Variants in OPRM1 observed in about 807,000 individuals in gnomAD.
OPRM1 encodes opioid receptor mu 1.
OPRM1 carries 27 observed loss-of-function variants against 31.8 expected under a neutral mutation model. That is an observed-to-expected ratio of 0.85 (90% confidence interval 0.63 to 1.17). The LOEUF (loss-of-function observed/expected upper bound fraction) is 1.17. Ranked by LOEUF, OPRM1 falls within the 50% of genes most tolerant of loss-of-function variation. The pLI is 0.00. For synonymous variants in OPRM1, 196 were observed against 189.9 expected (o/e 1.03, Z -0.26); for missense variants, 536 against 511.1 (o/e 1.05, Z -0.47).
At chr6:154,090,923 A>G in intron 2 of OPRM1, 29 bp from the exon 3 acceptor site, 1 of 1,587,056 alleles carries the variant, frequency 6.3e-7, no homozygotes, top group East Asian at 2.2e-5. Context: ...TGTTGCTGCT[A>G]ATTTTTCCTT....
intron 3 of OPRM1, among the ~76,000 whole-genome samples, chr6:154,099,329 A>AAGGAAGGG (rs1188397084): frequency 3.8e-4 from 45 of 119,454 alleles, no homozygotes; most frequent in South Asian, 1.4e-3. Flanking sequence ...GGAAGGAAGG[A>AAGGAAGGG]AGGGAGGGAG....
intron 3 of OPRM1, among the ~76,000 whole-genome samples, chr6:154,161,151 TAG>T (rs1348758481): frequency 6.6e-6 from 1 of 152,130 alleles, no homozygotes; most frequent in Non-Finnish European, 1.5e-5. Context: ...CTCTAATTTC[TAG>T]AGTTTCTTTT....
At chr6:154,165,615 C>T (rs1006774997) in intron 3 of OPRM1, among the ~76,000 whole-genome samples, 3 of 152,244 alleles carry the variant, frequency 2.0e-5, no homozygotes, top group Non-Finnish European at 4.4e-5. Context: ...AAGAGCAGTT[C>T]CCTAGCTGGG....
chr6:154,067,156 A>G (rs984587774), intron 1 of OPRM1, among the ~76,000 whole-genome samples: 3 of 150,624 alleles, frequency 2.0e-5, no homozygotes, highest in Admixed American at 6.6e-5. Context: ...ATTTTTTTTT[A>G]GTTTCTATTT....
At chr6:154,088,165 A>G (rs1408423737) in intron 1 of OPRM1, among the ~76,000 whole-genome samples, 1 of 152,224 alleles carries the variant, frequency 6.6e-6, no homozygotes, top group Non-Finnish European at 1.5e-5. Flanking sequence ...ATGCAACCAC[A>G]TAGATGAATC....
At chr6:154,083,000 T>C (rs569963506) in intron 1 of OPRM1, among the ~76,000 whole-genome samples, 4 of 152,160 alleles carry the variant, frequency 2.6e-5, no homozygotes, top group African/African-American at 4.8e-5. Context: ...AAGCAAAACA[T>C]GTCATTTTTA....
intron 3 of OPRM1, among the ~76,000 whole-genome samples, chr6:154,139,342 G>C (rs1475254759): frequency 6.6e-6 from 1 of 152,150 alleles, no homozygotes; most frequent in Non-Finnish European, 1.5e-5. Context: ...ACATTGGAGA[G>C]GTCAAGAGGG....
chr6:154,029,202 C>A (rs554133726), intron 1 of OPRM1, among the ~76,000 whole-genome samples: 18 of 152,158 alleles, frequency 1.2e-4, no homozygotes, highest in African/African-American at 4.1e-4. Context: ...CCTTTAAAAT[C>A]TTTGGATATA....
chr6:154,165,076 C>T (rs1455984766), intron 3 of OPRM1, among the ~76,000 whole-genome samples: 1 of 152,156 alleles, frequency 6.6e-6, no homozygotes, highest in African/African-American at 2.4e-5. Context: ...GTTGTCTTTG[C>T]TTGTCTACAC....
intron 3 of OPRM1, among the ~76,000 whole-genome samples, chr6:154,206,065 G>A (rs1216622296): frequency 2.0e-5 from 3 of 152,002 alleles, no homozygotes; most frequent in African/African-American, 7.2e-5. Flanking sequence ...GCTCTTCATG[G>A]CACCCCCATA....
At chr6:154,094,219 C>A in intron 3 of OPRM1, 1 of 1,287,168 alleles carries the variant, frequency 7.8e-7, no homozygotes, top group Non-Finnish European at 1.0e-6. Flanking sequence ...GATCAGAGAT[C>A]CAATATCAAA....
At chr6:154,240,043 C>A (rs767920574) in intron 3 of OPRM1, among the ~76,000 whole-genome samples, 1 of 152,086 alleles carries the variant, frequency 6.6e-6, no homozygotes, top group African/African-American at 2.4e-5. Context: ...GTTTGGGATA[C>A]GCTCAGAGGC....
intron 1 of OPRM1, among the ~76,000 whole-genome samples, chr6:154,080,430 C>T (rs1425695816): frequency 1.3e-5 from 2 of 152,184 alleles, no homozygotes; most frequent in East Asian, 1.9e-4. Flanking sequence ...AAAACCAGAT[C>T]CTCTACTTAC....
At chr6:154,117,150 C>T (rs17181303) in intron 3 of OPRM1, among the ~76,000 whole-genome samples, 2,526 of 152,254 alleles carry the variant, frequency 0.017, 66 homozygotes, top group African/African-American at 0.059. Context: ...CCTTCTGCAC[C>T]ATTTGGGCCA....
At chr6:154,029,334 C>G (rs894256893) in intron 1 of OPRM1, among the ~76,000 whole-genome samples, 3 of 152,076 alleles carry the variant, frequency 2.0e-5, no homozygotes, top group African/African-American at 7.2e-5. Context: ...TTTAAATGGT[C>G]ATTTTGTAAG....
intron 3 of OPRM1, among the ~76,000 whole-genome samples, chr6:154,101,929 C>A (rs930369520): frequency 1.3e-5 from 2 of 152,066 alleles, no homozygotes; most frequent in African/African-American, 4.8e-5. Flanking sequence ...AAGATAAAAT[C>A]CTAAAAAATT....
In OPRM1 at chr6:154,128,237, G is replaced by A. The variant is rs1236846076; in HGVS notation, c.*9516G>A. Among the ~76,000 whole-genome samples the A allele has an allele frequency of 6.6e-6, 1 of 152,164 alleles. No individual in the cohort carries two copies. Among genetic ancestry groups the A allele is most frequent in the Non-Finnish European group, 1.5e-5 (1 of 68,010 alleles). On this transcript the variant is annotated 3_prime_UTR_variant, in exon 4 of 4. Coordinates refer to ENST00000330432, the MANE Select transcript of OPRM1 (RefSeq NM_000914.5). ...TACCTGAAGATCTGCCCAGTGATTT[G>A]TGTGTTTTCTTAATAAACTTTACCC...
At chr6:154,189,970 C>T (rs1204422579) in intron 3 of OPRM1, among the ~76,000 whole-genome samples, 2 of 151,616 alleles carry the variant, frequency 1.3e-5, no homozygotes, top group Non-Finnish European at 2.9e-5. Flanking sequence ...TCACACCGTA[C>T]CACATTAATA....
chr6:154,220,725 T>A lies in OPRM1; in HGVS notation c.1165-25968T>A, dbSNP rs547347181. 7.1e-4 allele frequency among the ~76,000 whole-genome samples: 108 copies of A among 152,334 alleles called. 1 individual carries two copies. Among genetic ancestry groups the A allele is most frequent in the Middle Eastern group, 6.8e-3 (2 of 294 alleles). ...GAATGGTGTAGGGCAGGTTGTACTCTGCACACAGCCCACTTATTTTCACAG... is the reference window on the plus strand; with the variant it reads ...GAATGGTGTAGGGCAGGTTGTACTCAGCACACAGCCCACTTATTTTCACAG... On this transcript the variant is annotated intron_variant, in intron 3 of 3. Coordinates refer to the OPRM1 transcript ENST00000337049.
Sources: allele counts gnomAD v4.1 joint callset (sites outside exome capture counted in the v4.1 genomes callset), GRCh38; gene constraint gnomAD v4.1.1; transcripts MANE v1.5; gene names NCBI Gene and HGNC (gene_info 2026-07-23, HGNC 2026-07-21).